Variants in TTC7B observed in about 807,000 individuals in gnomAD.
TTC7B encodes tetratricopeptide repeat domain 7B.
TTC7B carries 28 observed loss-of-function variants against 106.8 expected under a neutral mutation model. The observed-to-expected ratio is 0.26, with a 90% CI of 0.19 to 0.36. TTC7B has a LOEUF of 0.36. Ranked by LOEUF, TTC7B falls within the 10% of genes least tolerant of loss-of-function variation. TTC7B has a pLI of 1.00. For synonymous variants in TTC7B, 405 were observed against 430.6 expected (o/e 0.94, Z 0.74); for missense variants, 862 against 1,076.4 (o/e 0.80, Z 2.79).
At chr14:90,727,880 AC>A (rs1254333605) in intron 5 of TTC7B, among the ~76,000 whole-genome samples, 3 of 152,300 alleles carry the variant, frequency 2.0e-5, no homozygotes, top group Non-Finnish European at 2.9e-5. Flanking sequence ...CAAGTACCTC[AC>A]AAGGAAGCGT....
At position 90,802,939 on chromosome 14, in the gene TTC7B, G is replaced by A. The variant is rs947865972; in HGVS notation, c.121+13236C>T. On this transcript the variant is annotated intron_variant, in intron 1 of 19. Coordinates refer to ENST00000328459, the MANE Select transcript of TTC7B (RefSeq NM_001010854.2). This position sits in a 1 kb window ranked among gnomAD's most constrained non-coding sequence, Gnocchi z 4.7. ...GCGGATCACCTAAGGTCAGAAGTTC[G>A]AGACCAACATGGTGAAACCCCATCT... Among the ~76,000 whole-genome samples, 13 of 149,048 alleles carry A rather than the reference G, an allele frequency of 8.7e-5. No homozygotes were observed. Among genetic ancestry groups the A allele is most frequent in the Admixed American group, 4.0e-4 (6 of 14,850 alleles).
chr14:90,674,125 T>C (rs1286176611), intron 9 of TTC7B, among the ~76,000 whole-genome samples: 1 of 152,068 alleles, frequency 6.6e-6, no homozygotes, highest in Non-Finnish European at 1.5e-5. Flanking sequence ...GTTACTCTTT[T>C]AAATTAAAGT....
chr14:90,714,926 A>C (rs1888597531), intron 5 of TTC7B, among the ~76,000 whole-genome samples: 1 of 151,884 alleles, frequency 6.6e-6, no homozygotes. Context: ...TTCACCTCTT[A>C]CATCACTTCT....
At chr14:90,695,715 T>C (rs931767019) in intron 5 of TTC7B, 137 bp from the exon 6 acceptor site, 7 of 419,724 alleles carry the variant, frequency 1.7e-5, no homozygotes, top group African/African-American at 1.0e-4. Context: ...TGCACATGCC[T>C]AGCCATCTTT....
At chr14:90,557,065 T>C (rs1029173039) in intron 19 of TTC7B, among the ~76,000 whole-genome samples, 4 of 151,822 alleles carry the variant, frequency 2.6e-5, no homozygotes, top group African/African-American at 9.7e-5. Flanking sequence ...CCCCACGGCC[T>C]GAGACAGGGG....
intron 3 of TTC7B, among the ~76,000 whole-genome samples, chr14:90,773,299 C>T (rs72695521): frequency 0.042 from 6,336 of 152,292 alleles, 171 homozygotes; most frequent in Non-Finnish European, 0.058. Context: ...AAATCACTCA[C>T]AAATCACAGA....
intron 1 of TTC7B, 65 bp downstream of exon 1, chr14:90,816,110 G>A (rs1440316085): frequency 1.0e-6 from 1 of 983,566 alleles, no homozygotes; most frequent in Non-Finnish European, 1.2e-6. Flanking sequence ...GCCGCGCCTC[G>A]GGGGCCCGTT....
chr14:90,680,458 C>T lies in TTC7B; in HGVS notation c.1014+14G>A, dbSNP rs377678068. 8 of 1,609,744 alleles carry T rather than the reference C, an allele frequency of 5.0e-6. No homozygotes were observed. The highest frequency in any genetic ancestry group is 6.8e-6 in the Non-Finnish European group (8 of 1,176,348). On this transcript the variant is annotated intron_variant, in intron 8 of 19. Transcript: ENST00000328459. ...GCCAGGGGAAAGAACGATGTAAAAA[C>T]ACATTCCACTTACCATTGATTCACT...
chr14:90,706,905 G>A (rs1220686601), intron 5 of TTC7B, among the ~76,000 whole-genome samples: 1 of 152,202 alleles, frequency 6.6e-6, no homozygotes, highest in Non-Finnish European at 1.5e-5. Context: ...ATGTACATAT[G>A]TGTGTATATG....
At chr14:90,660,826 T>C (rs1182517299) in intron 9 of TTC7B, among the ~76,000 whole-genome samples, 1 of 152,202 alleles carries the variant, frequency 6.6e-6, no homozygotes, top group Non-Finnish European at 1.5e-5. Flanking sequence ...CAAAAACATA[T>C]TCTATTTAAA....
intron 15 of TTC7B, among the ~76,000 whole-genome samples, chr14:90,635,362 A>C (rs772376223): frequency 2.0e-5 from 3 of 152,224 alleles, no homozygotes; most frequent in Non-Finnish European, 2.9e-5. Flanking sequence ...TCAAATAGAA[A>C]GCATAAATAG....
chr14:90,761,292 A>G (rs904583549), intron 3 of TTC7B, among the ~76,000 whole-genome samples: 1 of 152,222 alleles, frequency 6.6e-6, no homozygotes, highest in Non-Finnish European at 1.5e-5. Context: ...ACTCCTGCAG[A>G]TAACATCACT....
At chr14:90,634,330 A>G (rs1486985434) in intron 15 of TTC7B, among the ~76,000 whole-genome samples, 1 of 152,240 alleles carries the variant, frequency 6.6e-6, no homozygotes, top group East Asian at 1.9e-4. Flanking sequence ...GAGGAGCAAC[A>G]AAACGACAAG....
At chr14:90,677,668 C>T (rs576762833) in intron 8 of TTC7B, among the ~76,000 whole-genome samples, 4 of 152,272 alleles carry the variant, frequency 2.6e-5, no homozygotes, top group South Asian at 4.1e-4. Context: ...CATGAGGTTC[C>T]GGGGTCACTT....
intron 3 of TTC7B, among the ~76,000 whole-genome samples, chr14:90,749,430 A>G (rs1441593547): frequency 8.0e-6 from 1 of 124,582 alleles, no homozygotes; most frequent in Non-Finnish European, 1.6e-5. Flanking sequence ...TTTGAGACAG[A>G]GTTTCGCTCT....
intron 15 of TTC7B, among the ~76,000 whole-genome samples, chr14:90,637,862 T>C (rs1209670084): frequency 6.6e-6 from 1 of 152,206 alleles, no homozygotes; most frequent in Non-Finnish European, 1.5e-5. Context: ...ACTTCTTTAA[T>C]CTCTTAAATA....
At chr14:90,645,816 T>C (rs1039661406) in intron 14 of TTC7B, among the ~76,000 whole-genome samples, 1 of 152,180 alleles carries the variant, frequency 6.6e-6, no homozygotes, top group African/African-American at 2.4e-5. Context: ...GCTGAACACA[T>C]GTCAGGTGGC....
At chr14:90,681,372 TA>T (rs902000946) in intron 7 of TTC7B, among the ~76,000 whole-genome samples, 4 of 151,480 alleles carry the variant, frequency 2.6e-5, no homozygotes, top group Non-Finnish European at 4.4e-5. Context: ...GAACTTGGTT[TA>T]AAAAAAACTC....
intron 1 of TTC7B, among the ~76,000 whole-genome samples, chr14:90,789,513 G>A (rs1464145571): frequency 1.3e-5 from 2 of 152,060 alleles, no homozygotes; most frequent in African/African-American, 4.8e-5. Flanking sequence ...ACTTGAGCCC[G>A]AGAGTTTGAG....
Sources: allele counts gnomAD v4.1 joint callset (sites outside exome capture counted in the v4.1 genomes callset), GRCh38; gene constraint gnomAD v4.1.1; non-coding constraint Gnocchi (gnomAD v3.1); transcripts MANE v1.5; gene names NCBI Gene and HGNC (gene_info 2026-07-23, HGNC 2026-07-21).